Variants in IGSF21 observed in about 807,000 individuals in gnomAD.
IGSF21 encodes immunoglobulin superfamily member 21.
In IGSF21, 28 loss-of-function variants were observed where a neutral mutation model predicts 46.8. The ratio of observed to expected loss-of-function variants is 0.60; its 90% CI spans 0.44 to 0.82. The LOEUF (loss-of-function observed/expected upper bound fraction) is 0.82. Ranked by LOEUF, IGSF21 falls within the 40% of genes least tolerant of loss-of-function variation. The pLI, the probability that IGSF21 is intolerant of heterozygous loss-of-function variation, is 0.00. For synonymous variants in IGSF21, 284 were observed against 273.6 expected, an observed-to-expected ratio of 1.04 and a Z score of -0.38; for missense variants, 624 against 665.5, an observed-to-expected ratio of 0.94 and a Z score of 0.69.
At chr1:18,161,497 C>A (rs763560613) in intron 1 of IGSF21, among the ~76,000 whole-genome samples, 1 of 152,084 alleles carries the variant, frequency 6.6e-6, no homozygotes. Context: ...ACCTTCCCCC[C>A]AGCCCACTTT....
intron 1 of IGSF21, among the ~76,000 whole-genome samples, chr1:18,194,764 C>T (rs1026323672): frequency 1.3e-5 from 2 of 152,194 alleles, no homozygotes; most frequent in African/African-American, 4.8e-5. Flanking sequence ...CACTAGTCAA[C>T]CCAGGAGACC....
chr1:18,272,857 A>G (rs1317156931), intron 2 of IGSF21, among the ~76,000 whole-genome samples: 1 of 152,090 alleles, frequency 6.6e-6, no homozygotes, highest in African/African-American at 2.4e-5. Context: ...CATGCATTCA[A>G]ACCCCTCAGA....
At chr1:18,219,751 C>G (rs2084488564) in intron 1 of IGSF21, among the ~76,000 whole-genome samples, 1 of 152,170 alleles carries the variant, frequency 6.6e-6, no homozygotes, top group African/African-American at 2.4e-5. Context: ...AGAGGTGCAT[C>G]AGGCAGTGAT....
At chr1:18,150,371 A>G (rs1486471229) in intron 1 of IGSF21, among the ~76,000 whole-genome samples, 1 of 151,900 alleles carries the variant, frequency 6.6e-6, no homozygotes, top group Non-Finnish European at 1.5e-5. Context: ...GATTGGAGAC[A>G]GTTCACTTGT....
At chr1:18,159,758 C>T (rs936315784) in intron 1 of IGSF21, among the ~76,000 whole-genome samples, 2 of 150,196 alleles carry the variant, frequency 1.3e-5, no homozygotes, top group African/African-American at 4.9e-5. Flanking sequence ...TCTCGGCTCA[C>T]TGCAACCTCC....
chr1:18,209,642 A>ACG (rs2084369580), intron 1 of IGSF21, among the ~76,000 whole-genome samples: 2 of 107,340 alleles, frequency 1.9e-5, no homozygotes, highest in African/African-American at 3.7e-5. Flanking sequence ...TTTTTTTTTT[A>ACG]GTAGAGACAG....
At chr1:18,168,566 G>A (rs1221021282) in intron 1 of IGSF21, among the ~76,000 whole-genome samples, 1 of 152,158 alleles carries the variant, frequency 6.6e-6, no homozygotes, top group Non-Finnish European at 1.5e-5. Flanking sequence ...GATGCACCAG[G>A]AGACCCTGTC....
At chr1:18,319,433 A>C (rs1557641669) in intron 3 of IGSF21, among the ~76,000 whole-genome samples, 1 of 152,258 alleles carries the variant, frequency 6.6e-6, no homozygotes. Context: ...GTGTCCAGGA[A>C]ACTATCATAG....
At chr1:18,375,644 T>C (rs2086272922) in intron 6 of IGSF21, among the ~76,000 whole-genome samples, 1 of 152,128 alleles carries the variant, frequency 6.6e-6, no homozygotes, top group South Asian at 2.1e-4. Context: ...CCACACCATG[T>C]CCACCCCTAC....
intron 2 of IGSF21, among the ~76,000 whole-genome samples, chr1:18,286,030 C>A (rs2085209492): frequency 6.6e-6 from 1 of 152,180 alleles, no homozygotes; most frequent in South Asian, 2.1e-4. Context: ...AGGAAACAGG[C>A]ACACAGAACC....
At chr1:18,201,222 G>A (rs528093844) in intron 1 of IGSF21, among the ~76,000 whole-genome samples, 6 of 152,120 alleles carry the variant, frequency 3.9e-5, no homozygotes, top group South Asian at 2.1e-4. Context: ...GGGACTGAGC[G>A]CGTGCTCAGG....
chr1:18,235,151 G>T (rs1313133900), intron 2 of IGSF21, among the ~76,000 whole-genome samples: 1 of 152,190 alleles, frequency 6.6e-6, no homozygotes, highest in African/African-American at 2.4e-5. Context: ...GAGCCTCAGG[G>T]CATTTGTACT....
chr1:18,255,597 C>G (rs984795461), intron 2 of IGSF21, among the ~76,000 whole-genome samples: 1 of 152,048 alleles, frequency 6.6e-6, no homozygotes, highest in Admixed American at 6.5e-5. Flanking sequence ...AAATCATTCC[C>G]TCTTTCTTTC....
intron 4 of IGSF21, among the ~76,000 whole-genome samples, chr1:18,348,254 G>A (rs2085914971): frequency 6.6e-6 from 1 of 152,174 alleles, no homozygotes; most frequent in African/African-American, 2.4e-5. Context: ...GGCCCATTGA[G>A]CCCTCCTGAG....
chr1:18,182,632 GTC>G (rs1294419056), intron 1 of IGSF21, among the ~76,000 whole-genome samples: 1 of 152,206 alleles, frequency 6.6e-6, no homozygotes, highest in African/African-American at 2.4e-5. Context: ...AGCAGAGACT[GTC>G]TCTGTCACCA....
chr1:18,303,872 C>A (rs2085385959), intron 3 of IGSF21, among the ~76,000 whole-genome samples: 1 of 152,168 alleles, frequency 6.6e-6, no homozygotes, highest in Non-Finnish European at 1.5e-5. Flanking sequence ...ATCATCCAAT[C>A]TGCAGGTGAG....
At position 18,215,558 on chromosome 1, in the gene IGSF21, T is replaced by C. The variant is rs115874923; in HGVS notation, c.71-12340T>C. ...CATCTAAGCTAAGACCTGAAGGACA[T>C]AGCGAAGTGATGGGGGCAAAGTGAC... On this transcript the variant is annotated intron_variant, in intron 1 of 9. Coordinates refer to ENST00000251296, the MANE Select transcript of IGSF21 (RefSeq NM_032880.5). Among the ~76,000 whole-genome samples, 906 of 152,170 alleles carry C rather than the reference T, an allele frequency of 6.0e-3. 11 individuals carry two copies. The highest frequency in any genetic ancestry group is 0.02 in the African/African-American group (848 of 41,526).
chr1:18,223,219 A>G (rs2084528617), intron 1 of IGSF21, among the ~76,000 whole-genome samples: 2 of 152,118 alleles, frequency 1.3e-5, no homozygotes, highest in African/African-American at 4.8e-5. Flanking sequence ...TATGGTTCCT[A>G]TCATTCAGTG....
At position 18,175,444 on chromosome 1, in the gene IGSF21, A is replaced by G. The variant is rs141311878; in HGVS notation, c.71-52454A>G. On this transcript the variant is annotated intron_variant, in intron 1 of 9. Transcript: ENST00000251296. The stretch of plus-strand genomic sequence containing the variant: ...AGCCGGGAGGAAACGAGAAAGAGCC[A>G]TTTGAAGGATTCAGAGGAAGATGCC... 2.5e-3 allele frequency among the ~76,000 whole-genome samples: 374 copies of G among 152,328 alleles called. 2 individuals are homozygous for G. The highest frequency in any genetic ancestry group is 8.4e-3 in the African/African-American group (351 of 41,586).
Sources: gnomAD v4.1 joint callset for allele counts (sites outside exome capture counted in the v4.1 genomes callset) on GRCh38, gnomAD v4.1.1 for gene constraint, MANE v1.5 for transcripts, NCBI Gene and HGNC (gene_info 2026-07-23, HGNC 2026-07-21) for gene names.